Variants in NDUFA5 observed in about 807,000 individuals in gnomAD.
NDUFA5 encodes the protein NADH:ubiquinone oxidoreductase subunit A5.
A neutral mutation model predicts 19.8 loss-of-function variants in NDUFA5; 11 were observed. The observed-to-expected ratio is 0.56, with a 90% CI of 0.35 to 0.92. The LOEUF is 0.92. NDUFA5 is among the 40% of genes least tolerant of loss of function. The pLI is 0.01. For synonymous variants in NDUFA5, 47 were observed against 46.8 expected, an observed-to-expected ratio of 1.00 and a Z score of -0.01; for missense variants, 109 against 134.2, an observed-to-expected ratio of 0.81 and a Z score of 0.93.
intron 3 of NDUFA5, 100 bp from the exon 4 acceptor site, chr7:123,545,776 C>T (rs755227956): frequency 9.9e-5 from 74 of 747,918 alleles, no homozygotes; most frequent in Non-Finnish European, 1.4e-4. Context: ...CTTAAAAATA[C>T]AACTTTTCTT....
chr7:123,552,568 T>C (rs1342959893), intron 2 of NDUFA5, among the ~76,000 whole-genome samples: 1 of 141,028 alleles, frequency 7.1e-6, no homozygotes, highest in Non-Finnish European at 1.5e-5. Context: ...CAAACCACCA[T>C]GGCACGTGTA....
the NDUFA5 span, among the ~76,000 whole-genome samples, chr7:123,594,005 T>A: frequency 1.3e-5 from 2 of 152,146 alleles, no homozygotes; most frequent in African/African-American, 2.4e-5. Context: ...TCTAATCTTG[T>A]CTTCTCGCTT....
chr7:123,546,792 C>T, intron 3 of NDUFA5: 1 of 828,482 alleles, frequency 1.2e-6, no homozygotes, highest in Non-Finnish European at 1.8e-6. Context: ...TATTGATTAA[C>T]TACTGATAAT....
upstream of NDUFA5, among the ~76,000 whole-genome samples, chr7:123,558,913 T>C (rs886705743): frequency 1.3e-5 from 2 of 152,064 alleles, no homozygotes; most frequent in Non-Finnish European, 1.5e-5. Flanking sequence ...GGCCTTTCAT[T>C]AGAGGCATGA....
At chr7:123,546,757 A>C in intron 3 of NDUFA5, 1 of 1,166,424 alleles carries the variant, frequency 8.6e-7, no homozygotes, top group Non-Finnish European at 1.1e-6. Flanking sequence ...CCACTTTTCA[A>C]ATCTTTGCTC....
intron 3 of NDUFA5, chr7:123,546,895 C>T: frequency 2.4e-6 from 1 of 417,268 alleles, no homozygotes; most frequent in Non-Finnish European, 4.7e-6. Flanking sequence ...AAAGACTTCA[C>T]ATATATGATC....
chr7:123,544,039 A>G (rs1339067786), intron 4 of NDUFA5, among the ~76,000 whole-genome samples: 1 of 152,224 alleles, frequency 6.6e-6, no homozygotes, highest in African/African-American at 2.4e-5. Context: ...TCTGTCCTTC[A>G]ATCAACAGTA....
At chr7:123,570,029 C>CTTT in the NDUFA5 span, among the ~76,000 whole-genome samples, 37 of 88,194 alleles carry the variant, frequency 4.2e-4, no homozygotes, top group East Asian at 1.1e-3. Context: ...ACTGCCATAG[C>CTTT]TTTTTTTTTT....
chr7:123,571,421 CTTTCA>C, the NDUFA5 span, among the ~76,000 whole-genome samples: 1 of 152,148 alleles, frequency 6.6e-6, no homozygotes, highest in African/African-American at 2.4e-5. Context: ...AATATTTGGA[CTTTCA>C]TTTCATTAAT....
intron 2 of NDUFA5, among the ~76,000 whole-genome samples, chr7:123,552,809 C>T (rs576989953): frequency 6.6e-6 from 1 of 152,204 alleles, no homozygotes; most frequent in East Asian, 1.9e-4. Flanking sequence ...ATCAGACCCT[C>T]GCCTGATAGC....
Position 123,541,935 on chromosome 7 carries a change from C to T in NDUFA5, c.*184G>A. 2 of 371,024 alleles carry T rather than the reference C, an allele frequency of 5.4e-6. No individual in the cohort carries two copies. Among genetic ancestry groups the T allele is most frequent in the Non-Finnish European group, 9.6e-6 (2 of 208,990 alleles). 23.0% of individuals were successfully genotyped at this position (371,024 alleles called of 1,614,324 possible). A position where few individuals can be genotyped will look rare whatever the true frequency, so the allele number is the denominator to read the frequency against. ...ATCTTTGAAACAACTTGTGTGAGTA[C>T]TTTATAAATCAAAAATTGATTCACA... On this transcript the variant is annotated 3_prime_UTR_variant, in exon 5 of 5. Transcript: ENST00000355749.
the NDUFA5 span, among the ~76,000 whole-genome samples, chr7:123,563,257 G>A: frequency 6.6e-6 from 1 of 151,998 alleles, no homozygotes; most frequent in African/African-American, 2.4e-5. Context: ...AAGCTTAATC[G>A]TTTCTAACTT....
At chr7:123,589,301 T>TTCA in the NDUFA5 span, among the ~76,000 whole-genome samples, 1 of 147,476 alleles carries the variant, frequency 6.8e-6, no homozygotes, top group East Asian at 2.0e-4. Context: ...CTTTCATCTC[T>TTCA]TTATTATTAT....
At position 123,537,268 on chromosome 7, in the gene NDUFA5, A is replaced by G. The variant is rs1797780342; in HGVS notation, c.*4851T>C. ...TACAAAGATGCCACCTAGTGGCTTG[A>G]TAAAATCAAGCATTTCAAAGTATCT... On this transcript the variant is annotated 3_prime_UTR_variant, in exon 5 of 5. Transcript: ENST00000355749. The G allele has an allele frequency of 6.6e-6, 1 of 152,182 alleles. No individual in the cohort carries two copies. Among genetic ancestry groups the G allele is most frequent in the Non-Finnish European group, 1.5e-5 (1 of 68,018 alleles). 9.4% of individuals were successfully genotyped at this position (152,182 alleles called of 1,614,324 possible).
At chr7:123,577,951 G>T in the NDUFA5 span, among the ~76,000 whole-genome samples, 1 of 151,696 alleles carries the variant, frequency 6.6e-6, no homozygotes, top group South Asian at 2.1e-4. Context: ...GTGCAGTTTT[G>T]TTACATAGGT....
the NDUFA5 span, among the ~76,000 whole-genome samples, chr7:123,563,570 A>G: frequency 6.6e-6 from 1 of 152,232 alleles, no homozygotes; most frequent in Non-Finnish European, 1.5e-5. Context: ...ATATTTCAAG[A>G]GTTACCAAAA....
chr7:123,557,380 C>T lies in NDUFA5; in HGVS notation c.66+24G>A, dbSNP rs368147140. 43 of 1,613,482 alleles carry T rather than the reference C, an allele frequency of 2.7e-5. No individual in the cohort carries two copies. The African/African-American group carries it at 5.3e-4, about 20-fold the overall frequency. ...TTAGTCTTCCTTGGGAATTCAAGAACGAAGAAAGAACAAAGGTACATACCT... is the reference window on the plus strand; with the variant it reads ...TTAGTCTTCCTTGGGAATTCAAGAATGAAGAAAGAACAAAGGTACATACCT... On this transcript the variant is annotated intron_variant, in intron 2 of 4. Transcript: ENST00000355749.
chr7:123,598,280 T>C, the NDUFA5 span, among the ~76,000 whole-genome samples: 3 of 152,196 alleles, frequency 2.0e-5, no homozygotes, highest in Non-Finnish European at 4.4e-5. Context: ...TATGCCCTTA[T>C]TTTGATAACA....
chr7:123,596,046 G>A, the NDUFA5 span, among the ~76,000 whole-genome samples: 2 of 152,020 alleles, frequency 1.3e-5, no homozygotes, highest in African/African-American at 4.8e-5. Context: ...AATACTTTGG[G>A]AATATTCAGA....
Sources: allele counts gnomAD v4.1 joint callset (sites outside exome capture counted in the v4.1 genomes callset), GRCh38; gene constraint gnomAD v4.1.1; transcripts MANE v1.5; gene names NCBI Gene and HGNC (gene_info 2026-07-23, HGNC 2026-07-21).